Variants in XKR4 observed in about 807,000 individuals in gnomAD.
XKR4 encodes XK-related protein 4.
In XKR4, 12 loss-of-function variants were observed where a neutral mutation model predicts 53.9. That is an observed-to-expected ratio of 0.22 (90% confidence interval 0.14 to 0.36). The LOEUF is 0.36. Among genes scored for constraint, XKR4 ranks in the 10% least tolerant of loss-of-function variants. The pLI is 1.00. For synonymous variants in XKR4, 354 were observed against 362.4 expected (o/e 0.98, Z 0.26); for missense variants, 799 against 859.5 (o/e 0.93, Z 0.88).
chr8:55,507,684 T>C (rs1806562656), intron 2 of XKR4, among the ~76,000 whole-genome samples: 1 of 152,168 alleles, frequency 6.6e-6, no homozygotes, highest in Non-Finnish European at 1.5e-5. Context: ...GAACTCATCA[T>C]TTTTTATGGC....
At chr8:55,157,199 G>A (rs959249737) in intron 1 of XKR4, among the ~76,000 whole-genome samples, 6 of 152,058 alleles carry the variant, frequency 3.9e-5, no homozygotes, top group South Asian at 2.1e-4. Flanking sequence ...TGATTGTATC[G>A]TACATTATTT....
At chr8:55,480,206 A>G (rs989832741) in intron 2 of XKR4, among the ~76,000 whole-genome samples, 1 of 152,218 alleles carries the variant, frequency 6.6e-6, no homozygotes, top group Admixed American at 6.5e-5. Flanking sequence ...ATCCACCACA[A>G]TCAAGTGGGC....
At chr8:55,322,946 T>C (rs1048029854) in intron 1 of XKR4, among the ~76,000 whole-genome samples, 7 of 152,232 alleles carry the variant, frequency 4.6e-5, no homozygotes, top group African/African-American at 1.7e-4. Context: ...ATAAATGTTG[T>C]AAAAATAGTC....
chr8:55,461,653 G>C (rs1585587073), intron 2 of XKR4, among the ~76,000 whole-genome samples: 2 of 152,170 alleles, frequency 1.3e-5, no homozygotes, highest in East Asian at 3.9e-4. Context: ...GAGAGAGGAA[G>C]GCTTCAGAAC....
At chr8:55,411,597 C>T (rs1024906702) in intron 2 of XKR4, among the ~76,000 whole-genome samples, 36 of 152,278 alleles carry the variant, frequency 2.4e-4, no homozygotes, top group East Asian at 1.9e-4. Context: ...TCCCAAAACA[C>T]GTTGTGGAAA....
chr8:55,253,514 G>A (rs748524877), intron 1 of XKR4, among the ~76,000 whole-genome samples: 1 of 152,132 alleles, frequency 6.6e-6, no homozygotes, highest in Non-Finnish European at 1.5e-5. Context: ...AAAATGAAAG[G>A]CTAGCAGTTC....
chr8:55,216,648 A>G (rs1254215735), intron 1 of XKR4, among the ~76,000 whole-genome samples: 6 of 151,180 alleles, frequency 4.0e-5, no homozygotes, highest in Admixed American at 2.0e-4. Flanking sequence ...AATAGCTTGA[A>G]CCTGGGAGGC....
At chr8:55,274,704 A>T (rs1020598198) in intron 1 of XKR4, among the ~76,000 whole-genome samples, 2 of 152,074 alleles carry the variant, frequency 1.3e-5, no homozygotes, top group South Asian at 4.2e-4. Context: ...AAGTACTAGG[A>T]TTACAGGCAT....
chr8:55,402,126 CA>C (rs1302762342), intron 2 of XKR4, among the ~76,000 whole-genome samples: 1 of 152,170 alleles, frequency 6.6e-6, no homozygotes, highest in Non-Finnish European at 1.5e-5. Context: ...GCGGATAAGT[CA>C]TGGAAAAATG....
chr8:55,131,026 G>C (rs1816546452), intron 1 of XKR4, among the ~76,000 whole-genome samples: 1 of 152,046 alleles, frequency 6.6e-6, no homozygotes, highest in South Asian at 2.1e-4. Flanking sequence ...AGGCATGATG[G>C]TGCACGCCGG....
At chr8:55,282,837 C>A (rs971860458) in intron 1 of XKR4, among the ~76,000 whole-genome samples, 1 of 152,230 alleles carries the variant, frequency 6.6e-6, no homozygotes, top group African/African-American at 2.4e-5. Flanking sequence ...CACTCACTGA[C>A]TCTTCCAGAG....
At chr8:55,497,592 G>T (rs1277023601) in intron 2 of XKR4, among the ~76,000 whole-genome samples, 1 of 152,138 alleles carries the variant, frequency 6.6e-6, no homozygotes, top group Non-Finnish European at 1.5e-5. Context: ...TAGTTGTTCA[G>T]GCAAGACCTT....
intron 1 of XKR4, among the ~76,000 whole-genome samples, chr8:55,217,920 G>C (rs1341979115): frequency 2.0e-5 from 3 of 152,196 alleles, no homozygotes. Flanking sequence ...AGAAGACTTT[G>C]TTCTATCCAG....
intron 1 of XKR4, among the ~76,000 whole-genome samples, chr8:55,245,330 G>T (rs1489118648): frequency 6.6e-6 from 1 of 152,018 alleles, no homozygotes; most frequent in East Asian, 1.9e-4. Flanking sequence ...TCTGTAGGTT[G>T]TTTACTCTGT....
At chr8:55,120,226 T>A (rs1232463528) in intron 1 of XKR4, among the ~76,000 whole-genome samples, 2 of 152,190 alleles carry the variant, frequency 1.3e-5, no homozygotes, top group African/African-American at 2.4e-5. Context: ...ATGGGTTTCT[T>A]GTTGAGCCTA....
chr8:55,335,289 A>G (rs539125676), intron 1 of XKR4, among the ~76,000 whole-genome samples: 1 of 152,216 alleles, frequency 6.6e-6, no homozygotes, highest in Non-Finnish European at 1.5e-5. Flanking sequence ...TTTACTTCAC[A>G]AAATGACTTA....
chr8:55,301,329 C>G (rs1318238396), intron 1 of XKR4, among the ~76,000 whole-genome samples: 1 of 151,990 alleles, frequency 6.6e-6, no homozygotes. Flanking sequence ...ATGAACTCTT[C>G]ATTTTTTATG....
At chr8:55,208,411 G>A (rs1817679320) in intron 1 of XKR4, among the ~76,000 whole-genome samples, 1 of 151,972 alleles carries the variant, frequency 6.6e-6, no homozygotes, top group Admixed American at 6.5e-5. Context: ...TTCTAATTGT[G>A]TTATTTTAGA....
chr8:55,287,794 G>T (rs752810996), intron 1 of XKR4, among the ~76,000 whole-genome samples: 1 of 152,228 alleles, frequency 6.6e-6, no homozygotes, highest in Non-Finnish European at 1.5e-5. Context: ...TAGGTGTGCT[G>T]TTGAAGATAA....
Sources: gnomAD v4.1 joint callset for allele counts (sites outside exome capture counted in the v4.1 genomes callset) on GRCh38, gnomAD v4.1.1 for gene constraint, MANE v1.5 for transcripts, NCBI Gene and HGNC (gene_info 2026-07-23, HGNC 2026-07-21) for gene names.